DACH1: variants seen among roughly 807,000 people sequenced by gnomAD.
DACH1 encodes the protein dachshund homolog 1.
DACH1 carries 12 observed loss-of-function variants against 54.2 expected under a neutral mutation model. The ratio of observed to expected loss-of-function variants is 0.22; its 90% confidence interval spans 0.14 to 0.36. The LOEUF is 0.36. Among genes scored for constraint, DACH1 ranks in the 10% least tolerant of loss-of-function variants. DACH1 has a pLI of 1.00. For synonymous variants in DACH1, 386 were observed against 366.2 expected, an observed-to-expected ratio of 1.05 and a Z score of -0.62; for missense variants, 805 against 929.8, an observed-to-expected ratio of 0.87 and a Z score of 1.75.
chr13:71,620,979 T>C (rs936405721), intron 3 of DACH1, among the ~76,000 whole-genome samples: 6 of 152,012 alleles, frequency 3.9e-5, no homozygotes, highest in African/African-American at 1.2e-4. Context: ...CTTAAATATG[T>C]GCCATAAAGC....
intron 6 of DACH1, among the ~76,000 whole-genome samples, chr13:71,518,390 GA>G (rs969614304): frequency 0.022 from 3,176 of 145,776 alleles, 73 homozygotes; most frequent in African/African-American, 0.049. Context: ...CAGAACTGTG[GA>G]AAAAAAAAAA....
intron 6 of DACH1, among the ~76,000 whole-genome samples, chr13:71,549,590 A>G (rs767319129): frequency 2.6e-5 from 4 of 152,176 alleles, no homozygotes; most frequent in Non-Finnish European, 5.9e-5. Flanking sequence ...CTAAACATAG[A>G]AAAGATGTAC....
chr13:71,604,471 A>C (rs1874733175), intron 3 of DACH1, among the ~76,000 whole-genome samples: 1 of 151,938 alleles, frequency 6.6e-6, no homozygotes, highest in African/African-American at 2.4e-5. Flanking sequence ...ATCCAATACC[A>C]TTACCATGCA....
At chr13:71,775,601 G>A (rs1457278370) in intron 1 of DACH1, among the ~76,000 whole-genome samples, 1 of 152,030 alleles carries the variant, frequency 6.6e-6, no homozygotes, top group East Asian at 1.9e-4. Context: ...GTATTTATAT[G>A]TAACATTGTC....
chr13:71,549,390 A>G (rs1335134851), intron 6 of DACH1, among the ~76,000 whole-genome samples: 1 of 152,142 alleles, frequency 6.6e-6, no homozygotes, highest in East Asian at 1.9e-4. Context: ...AATAAAGCAG[A>G]TTAAGTGGAA....
intron 6 of DACH1, among the ~76,000 whole-genome samples, chr13:71,495,631 ATAATAAATTT>A (rs1879343431): frequency 6.6e-6 from 1 of 152,144 alleles, no homozygotes; most frequent in African/African-American, 2.4e-5. Flanking sequence ...GTAGATACTA[ATAATAAATTT>A]TACAGAAAGA....
intron 3 of DACH1, among the ~76,000 whole-genome samples, chr13:71,597,354 A>G (rs1010841285): frequency 1.3e-5 from 2 of 152,238 alleles, no homozygotes; most frequent in Non-Finnish European, 2.9e-5. Flanking sequence ...TCTGTACACA[A>G]TAAGTATACA....
At chr13:71,752,997 T>A (rs1335167875) in intron 1 of DACH1, among the ~76,000 whole-genome samples, 1 of 152,060 alleles carries the variant, frequency 6.6e-6, no homozygotes, top group Non-Finnish European at 1.5e-5. Flanking sequence ...AAAAGAGCAA[T>A]GATACACAAG....
intron 5 of DACH1, among the ~76,000 whole-genome samples, chr13:71,559,437 G>T (rs1057183318): frequency 1.4e-4 from 21 of 152,064 alleles, no homozygotes; most frequent in African/African-American, 4.8e-4. Context: ...TTAAAAGTCA[G>T]TGAATTACAA....
At chr13:71,628,559 T>C (rs1876834860) in intron 3 of DACH1, among the ~76,000 whole-genome samples, 1 of 151,998 alleles carries the variant, frequency 6.6e-6, no homozygotes, top group African/African-American at 2.4e-5. Context: ...CTTGGTTCAT[T>C]TTGGCGTTGG....
chr13:71,605,878 A>C lies in DACH1; in HGVS notation c.1126+24678T>G, dbSNP rs1323294801. On this transcript the variant is annotated intron_variant, in intron 3 of 10. Transcript: ENST00000613252. ...GTTGAACATTGCTGATGAAGACAAA[A>C]CGCTATGTAATAAACTGAATAATAA... 2.0e-5 allele frequency among the ~76,000 whole-genome samples: 3 copies of C among 151,990 alleles called. No individual in the cohort carries two copies. In the East Asian group the frequency reaches 5.8e-4, roughly 29 times the overall value.
chr13:71,546,152 G>C (rs1368193037), intron 6 of DACH1, among the ~76,000 whole-genome samples: 1 of 152,018 alleles, frequency 6.6e-6, no homozygotes. Flanking sequence ...TATATTGCTT[G>C]CAATAAAATT....
intron 6 of DACH1, among the ~76,000 whole-genome samples, chr13:71,507,850 C>A (rs1880455097): frequency 6.6e-6 from 1 of 152,166 alleles, no homozygotes; most frequent in Non-Finnish European, 1.5e-5. Flanking sequence ...CCACTTTAGG[C>A]TTAGTCCTGC....
intron 6 of DACH1, among the ~76,000 whole-genome samples, chr13:71,546,519 A>G (rs1365547301): frequency 3.3e-5 from 5 of 152,108 alleles, no homozygotes; most frequent in African/African-American, 1.2e-4. Flanking sequence ...TAGAAGCAAA[A>G]GCAGTTGTTT....
At chr13:71,613,902 G>A (rs1033929312) in intron 3 of DACH1, among the ~76,000 whole-genome samples, 1 of 152,036 alleles carries the variant, frequency 6.6e-6, no homozygotes, top group African/African-American at 2.4e-5. Flanking sequence ...TATAGAGATG[G>A]GATTTCACCA....
In DACH1 at chr13:71,438,965, C is replaced by T. The variant is rs1029759883; in HGVS notation, c.*1690G>A. On this transcript the variant is annotated 3_prime_UTR_variant, in exon 11 of 11. Coordinates refer to ENST00000613252, the MANE Select transcript of DACH1 (RefSeq NM_080759.6). Reference sequence around the variant, plus strand: ...TATGGTATTAAAAAGATGAACTTAGCTGGCTAATAGTGAGCTACACAAAAG... The same window carrying T: ...TATGGTATTAAAAAGATGAACTTAGTTGGCTAATAGTGAGCTACACAAAAG... 1.3e-5 allele frequency: 2 copies of T among 152,388 alleles called. No individual in the cohort carries two copies. The highest frequency in any genetic ancestry group is 6.6e-5 in the Admixed American group (1 of 15,246). 9.4% of individuals were successfully genotyped at this position (152,388 alleles called of 1,614,324 possible).
chr13:71,851,083 A>G (rs1269399094), intron 1 of DACH1, among the ~76,000 whole-genome samples: 1 of 152,224 alleles, frequency 6.6e-6, no homozygotes, highest in Non-Finnish European at 1.5e-5. Context: ...AAAGGATTCC[A>G]GGTGAAAATT....
chr13:71,741,703 A>G (rs1027717062), intron 1 of DACH1, among the ~76,000 whole-genome samples: 4 of 152,144 alleles, frequency 2.6e-5, no homozygotes, highest in Non-Finnish European at 5.9e-5. Context: ...GATATAATGG[A>G]TAAAGATGTA....
chr13:71,845,896 A>T (rs946969629), intron 1 of DACH1: 1 of 152,778 alleles, frequency 6.5e-6, no homozygotes, highest in South Asian at 2.0e-4. Context: ...CTATGATGAT[A>T]ACGAACTCGT....
Sources: gnomAD v4.1 joint callset for allele counts (sites outside exome capture counted in the v4.1 genomes callset) on GRCh38, gnomAD v4.1.1 for gene constraint, MANE v1.5 for transcripts, NCBI Gene and HGNC (gene_info 2026-07-23, HGNC 2026-07-21) for gene names.